VPS13D: variants seen among roughly 807,000 people sequenced by gnomAD.
VPS13D encodes the protein vacuolar protein sorting 13 homolog D.
A neutral mutation model predicts 461.9 loss-of-function variants in VPS13D; 187 were observed. That is an observed-to-expected ratio of 0.40 (90% CI 0.36 to 0.46). VPS13D has a LOEUF of 0.46. Among genes scored for constraint, VPS13D ranks in the 20% least tolerant of loss-of-function variants. The pLI is 0.60. For synonymous variants in VPS13D, 1,951 were observed against 1,986.3 expected (o/e 0.98, Z 0.47); for missense variants, 4,711 against 5,364.9 (o/e 0.88, Z 3.81).
chr1:12,385,036 C>T (rs1004040628), intron 58 of VPS13D, among the ~76,000 whole-genome samples: 9 of 152,322 alleles, frequency 5.9e-5, no homozygotes, highest in East Asian at 3.9e-4. Context: ...AACCCCACTA[C>T]GTGAGGCTCT....
At chr1:12,310,768 G>T (rs1026809859) in intron 27 of VPS13D, among the ~76,000 whole-genome samples, 3 of 143,814 alleles carry the variant, frequency 2.1e-5, no homozygotes, top group Non-Finnish European at 3.0e-5. Context: ...TCCATTTCTT[G>T]CTCCTTCCTT....
intron 65 of VPS13D, among the ~76,000 whole-genome samples, 155 bp downstream of exon 65, chr1:12,416,982 T>C (rs1193662745): frequency 2.6e-5 from 4 of 152,168 alleles, no homozygotes; most frequent in Non-Finnish European, 4.4e-5. Context: ...TCCAGTCACC[T>C]GCCACCAGGT....
chr1:12,254,688 T>C (rs1640856935), intron 7 of VPS13D, among the ~76,000 whole-genome samples: 2 of 151,844 alleles, frequency 1.3e-5, no homozygotes, highest in Admixed American at 1.3e-4. Flanking sequence ...CATGCCCAGC[T>C]AATGTTTGTA....
chr1:12,358,003 CAAA>C (rs77316375), intron 49 of VPS13D, among the ~76,000 whole-genome samples: 3 of 96,696 alleles, frequency 3.1e-5, no homozygotes, highest in Admixed American at 1.0e-4. Context: ...GATTCCACCT[CAAA>C]AAAAAAAAAA....
chr1:12,454,691 C>T (rs115921127), intron 65 of VPS13D, among the ~76,000 whole-genome samples: 1,689 of 152,328 alleles, frequency 0.011, 25 homozygotes, highest in African/African-American at 0.037. Flanking sequence ...CTGTGTAACA[C>T]GCACCCTAAC....
intron 7 of VPS13D, among the ~76,000 whole-genome samples, chr1:12,254,950 C>CT (rs372496241): frequency 2.4e-3 from 334 of 142,104 alleles, no homozygotes; most frequent in African/African-American, 4.8e-3. Flanking sequence ...TGGCTTTCTT[C>CT]TTTTTTTTTT....
intron 24 of VPS13D, among the ~76,000 whole-genome samples, chr1:12,297,822 A>G (rs1642316655): frequency 6.6e-6 from 1 of 152,226 alleles, no homozygotes; most frequent in Non-Finnish European, 1.5e-5. Flanking sequence ...AATCAAGGAA[A>G]AAAAGATAAT....
intron 68 of VPS13D, among the ~76,000 whole-genome samples, chr1:12,503,295 A>G (rs1426273013): frequency 2.6e-5 from 4 of 152,048 alleles, no homozygotes; most frequent in African/African-American, 9.7e-5. Context: ...CCCCAAGCCC[A>G]GAGTATCCTC....
chr1:12,273,690 C>G (rs905277737), intron 18 of VPS13D, among the ~76,000 whole-genome samples: 2 of 152,178 alleles, frequency 1.3e-5, no homozygotes, highest in African/African-American at 4.8e-5. Context: ...TTTAGCATGA[C>G]ATTTTCAAGG....
At position 12,473,123 on chromosome 1, in the gene VPS13D, G is replaced by A. The variant is rs114655524; in HGVS notation, c.12662+12727G>A. Among the ~76,000 whole-genome samples, 262 of 152,268 alleles carry A rather than the reference G, an allele frequency of 1.7e-3. No homozygotes were observed. The highest frequency in any genetic ancestry group is 6.0e-3 in the African/African-American group (249 of 41,542). On this transcript the variant is annotated intron_variant, in intron 67 of 69. Transcript: ENST00000620676. The surrounding 1 kb of genome is among the most constrained non-coding windows in gnomAD (Gnocchi z 4.2). Reference sequence around the variant, plus strand: ...TGAACCATAAAAGCTATTCAGAGGGGCCAGCAGCTGGGGAGCGACTGTACT... The same window carrying A: ...TGAACCATAAAAGCTATTCAGAGGGACCAGCAGCTGGGGAGCGACTGTACT...
Position 12,358,638 on chromosome 1 carries a change from A to G in VPS13D, c.10141+37A>G, listed in dbSNP as rs376945694. ...TTGGGGCAGCGGGACAATCAGAACCATTGGCCGATGACCTCAGGCTTGGAG... is the reference window on the plus strand; with the variant it reads ...TTGGGGCAGCGGGACAATCAGAACCGTTGGCCGATGACCTCAGGCTTGGAG... On this transcript the variant is annotated intron_variant, in intron 50 of 69. Transcript: ENST00000620676. The G allele has an allele frequency of 1.7e-4, 267 of 1,609,812 alleles. No homozygotes were observed. The African/African-American group carries it at 2.5e-3, about 15-fold the overall frequency.
chr1:12,290,906 G>T lies in VPS13D; in HGVS notation c.5726-92G>T, dbSNP rs1165109558. The T allele has an allele frequency of 8.8e-6, 11 of 1,247,362 alleles. No individual in the cohort carries two copies. The South Asian group carries it at 2.3e-4, about 26-fold the overall frequency. The allele number at this position is 1,247,362 out of a possible 1,614,324, so 77.3% of individuals were successfully genotyped here. A position where few individuals can be genotyped will look rare whatever the true frequency, so the allele number is the denominator to read the frequency against. ...TTTGATTACAAAGTGAAAAGTCTGA[G>T]GCATGTGTATACCAGCTTTTGTTCC... On this transcript the variant is annotated intron_variant, in intron 22 of 69. Coordinates refer to ENST00000620676, the MANE Select transcript of VPS13D (RefSeq NM_015378.4).
intron 27 of VPS13D, among the ~76,000 whole-genome samples, chr1:12,309,635 G>A (rs1471173293): frequency 6.6e-6 from 1 of 151,530 alleles, no homozygotes; most frequent in African/African-American, 2.4e-5. Flanking sequence ...GGTGGCGTGT[G>A]CCTGTAATCC....
At chr1:12,324,485 C>T (rs977323329) in intron 35 of VPS13D, among the ~76,000 whole-genome samples, 3 of 152,188 alleles carry the variant, frequency 2.0e-5, no homozygotes, top group African/African-American at 7.2e-5. Flanking sequence ...GCCTAGGCAA[C>T]AGAGCGAGAC....
At chr1:12,503,390 C>T (rs1557482229) in intron 68 of VPS13D, among the ~76,000 whole-genome samples, 1 of 151,954 alleles carries the variant, frequency 6.6e-6, no homozygotes, top group East Asian at 1.9e-4. Flanking sequence ...CACTATGTGG[C>T]CCAGGATGGT....
intron 63 of VPS13D, among the ~76,000 whole-genome samples, chr1:12,405,245 A>G (rs1363004367): frequency 6.6e-6 from 1 of 152,186 alleles, no homozygotes; most frequent in Non-Finnish European, 1.5e-5. Context: ...AGATCTTCAG[A>G]TTTTTAAAGA....
chr1:12,477,758 C>T (rs369927549), intron 67 of VPS13D, among the ~76,000 whole-genome samples: 6 of 152,160 alleles, frequency 3.9e-5, no homozygotes, highest in Non-Finnish European at 7.3e-5. Flanking sequence ...ACAGCACTCA[C>T]GTATCCCTCC....
intron 1 of VPS13D, among the ~76,000 whole-genome samples, chr1:12,231,746 T>G (rs1639979640): frequency 6.6e-6 from 1 of 152,166 alleles, no homozygotes; most frequent in Non-Finnish European, 1.5e-5. Context: ...CCCAGCACTT[T>G]GGGAGGCCAA....
intron 27 of VPS13D, among the ~76,000 whole-genome samples, chr1:12,309,761 CAAAA>C (rs1398161248): frequency 1.4e-5 from 1 of 73,046 alleles, no homozygotes; most frequent in Non-Finnish European, 3.3e-5. Flanking sequence ...GACTCAGTCT[CAAAA>C]AAAAAAAAAA....
Sources: allele counts gnomAD v4.1 joint callset (sites outside exome capture counted in the v4.1 genomes callset), GRCh38; gene constraint gnomAD v4.1.1; non-coding constraint Gnocchi (gnomAD v3.1); transcripts MANE v1.5; gene names NCBI Gene and HGNC (gene_info 2026-07-23, HGNC 2026-07-21).